Variants in GALNT9 observed in about 807,000 individuals in gnomAD.
The protein encoded by GALNT9 is GalNAc transferase 9.
GALNT9 carries 47 observed loss-of-function variants against 63.1 expected under a neutral mutation model. The ratio of observed to expected loss-of-function variants is 0.75; its 90% confidence interval spans 0.59 to 0.95. The LOEUF (loss-of-function observed/expected upper bound fraction) is 0.95, where lower values mean the gene tolerates loss of function less well. Among genes scored for constraint, GALNT9 ranks in the 40% least tolerant of loss-of-function variants. The pLI is 0.00. For synonymous variants in GALNT9, 396 were observed against 365.7 expected (o/e 1.08, Z -0.94); for missense variants, 829 against 874.8 (o/e 0.95, Z 0.66).
chr12:132,323,802 A>C (rs994559930), intron 1 of GALNT9, among the ~76,000 whole-genome samples: 3 of 152,212 alleles, frequency 2.0e-5, no homozygotes, highest in Non-Finnish European at 2.9e-5. Context: ...GGAAGCTGTG[A>C]ACCTCGGCCG....
At chr12:132,260,092 C>T (rs1879319234) in intron 4 of GALNT9, among the ~76,000 whole-genome samples, 2 of 135,918 alleles carry the variant, frequency 1.5e-5, no homozygotes, top group Admixed American at 7.4e-5. Flanking sequence ...CTCTGTGGGG[C>T]TGGCTTTGGG....
At chr12:132,258,444 A>C (rs28435716) in intron 4 of GALNT9, among the ~76,000 whole-genome samples, 14 of 152,088 alleles carry the variant, frequency 9.2e-5, no homozygotes, top group African/African-American at 2.9e-4. Context: ...CGTTGTGCAG[A>C]GTGGAACCTG....
intron 2 of GALNT9, among the ~76,000 whole-genome samples, chr12:132,269,146 G>A (rs1555240492): frequency 6.6e-6 from 1 of 152,230 alleles, no homozygotes; most frequent in Non-Finnish European, 1.5e-5. Context: ...ACAGAGGGTG[G>A]GCTGTGCAGC....
chr12:132,196,494 GACAC>G lies in GALNT9; in HGVS notation c.*609_*612del, dbSNP rs1334125232. The G allele has an allele frequency of 1.0e-6, 1 of 985,592 alleles. No individual in the cohort carries two copies. Among genetic ancestry groups the G allele is most frequent in the Non-Finnish European group, 1.2e-6 (1 of 830,028 alleles). 61.1% of individuals were successfully genotyped at this position (985,592 alleles called of 1,614,324 possible). ...CAACCCCCAGCTCGGCTCCCAGGAA[GACAC>G]ACACAGTGCTGCTGCCTAATCCTCT... On this transcript the variant is annotated 3_prime_UTR_variant, in exon 11 of 11. Transcript: ENST00000328957.
At position 132,261,091 on chromosome 12, in the gene GALNT9, GACGT is replaced by G; in HGVS notation, c.614_617del (p.Tyr205SerfsTer9). The G allele has an allele frequency of 6.4e-7, 1 of 1,551,640 alleles. No homozygotes were observed. Among genetic ancestry groups the G allele is most frequent in the Non-Finnish European group, 8.7e-7 (1 of 1,147,000 alleles). On this transcript the variant is annotated frameshift_variant, in exon 4 of 11. Transcript: ENST00000328957. LOFTEE classifies it high-confidence loss of function. ...TCACGAGGCCTGGGTACCGCTTGTTGACGTACTGGTCCAGATTGAACTTGAGTTC... is the reference window on the plus strand; with the variant it reads ...TCACGAGGCCTGGGTACCGCTTGTTGACTGGTCCAGATTGAACTTGAGTTC...
chr12:132,231,086 G>A (rs1778720243), intron 6 of GALNT9, among the ~76,000 whole-genome samples: 1 of 100,880 alleles, frequency 9.9e-6, no homozygotes, highest in Non-Finnish European at 2.0e-5. Flanking sequence ...TCGATGGGGC[G>A]ACAGAGGAGA....
chr12:132,240,867 C>A (rs1232949804), intron 6 of GALNT9: 36 of 385,612 alleles, frequency 9.3e-5, no homozygotes, highest in Admixed American at 6.6e-4. Context: ...CTTCCCAGGG[C>A]CGTCCCTATA....
intron 1 of GALNT9, among the ~76,000 whole-genome samples, chr12:132,297,523 C>A (rs1189956449): frequency 6.6e-6 from 1 of 151,978 alleles, no homozygotes; most frequent in African/African-American, 2.4e-5. Flanking sequence ...CAAGCCACTC[C>A]CACAATAACC....
chr12:132,291,250 T>A (rs1880819644), intron 1 of GALNT9, among the ~76,000 whole-genome samples: 1 of 35,766 alleles, frequency 2.8e-5, no homozygotes, highest in South Asian at 1.5e-3. Flanking sequence ...AGCGCCCACG[T>A]CCTCAGCGCC....
At chr12:132,249,847 G>A (rs1878840953) in intron 5 of GALNT9, among the ~76,000 whole-genome samples, 1 of 152,216 alleles carries the variant, frequency 6.6e-6, no homozygotes, top group Non-Finnish European at 1.5e-5. Flanking sequence ...GCGTGGGGCT[G>A]CCTGTCACCG....
At chr12:132,209,684 C>G (rs995172717) in intron 6 of GALNT9, among the ~76,000 whole-genome samples, 2 of 152,160 alleles carry the variant, frequency 1.3e-5, no homozygotes, top group African/African-American at 4.8e-5. Flanking sequence ...GACACTCCCC[C>G]CAGCACCAAG....
At position 132,252,410 on chromosome 12, in the gene GALNT9, C is replaced by T. The variant is rs1289336429; in HGVS notation, c.960-4383G>A. ...TGAGAAGGCAGAGAAGCACGTGCCACGTTTTAGAAAGAGTTTGCATCCACA... is the reference window on the plus strand; with the variant it reads ...TGAGAAGGCAGAGAAGCACGTGCCATGTTTTAGAAAGAGTTTGCATCCACA... On this transcript the variant is annotated intron_variant, in intron 5 of 10. Coordinates refer to ENST00000328957, the MANE Select transcript of GALNT9 (RefSeq NM_001122636.2). The surrounding 1 kb of genome is among the most constrained non-coding windows in gnomAD (Gnocchi z 5.2). Among the ~76,000 whole-genome samples, 1 of 152,208 alleles carries T rather than the reference C, an allele frequency of 6.6e-6. No individual in the cohort carries two copies. Among genetic ancestry groups the T allele is most frequent in the Admixed American group, 6.5e-5 (1 of 15,290 alleles).
intron 1 of GALNT9, among the ~76,000 whole-genome samples, chr12:132,301,690 G>C (rs1356756919): frequency 1.3e-5 from 2 of 152,356 alleles, no homozygotes; most frequent in East Asian, 3.9e-4. Flanking sequence ...CCACTCGCTG[G>C]CCAGAGAGGG....
intron 2 of GALNT9, among the ~76,000 whole-genome samples, chr12:132,272,266 G>A (rs933683696): frequency 6.6e-6 from 1 of 152,250 alleles, no homozygotes; most frequent in East Asian, 1.9e-4. Flanking sequence ...CCCCTCAACG[G>A]GACAGAGTGG....
rs1555238250 is a variant in GALNT9 at position 132,248,042 on chromosome 12, C to G, written c.960-15G>C. ...TGGCTGGGGTCCTGGGAGGCAGAGA[C>G]AGCGGCGTGAGGACCTCGCCATGCA... On this transcript the variant is annotated splice_polypyrimidine_tract_variant and intron_variant, in intron 5 of 10. Coordinates refer to ENST00000328957, the MANE Select transcript of GALNT9 (RefSeq NM_001122636.2). 1.9e-6 allele frequency: 3 copies of G among 1,544,636 alleles called. No individual in the cohort carries two copies.
rs369757893 is a variant in GALNT9, at chr12:132,203,589, G to A, written c.1179C>T (p.Ala393=). Residue 393 remains alanine, a synonymous_variant, in exon 7 of 11, where the codon GCC becomes GCT. Coordinates refer to ENST00000328957, the MANE Select transcript of GALNT9 (RefSeq NM_001122636.2). ...CGGCGGCGCGCAGGGCGTTGCGCTT[G>A]GCATAGTAGTCAATGTCGTTGTTGT... ...KPYNNDIDYY[A]KRNALRAAEV... is the part of the protein sequence containing the mutation. 2.5e-6 allele frequency: 4 copies of A among 1,613,808 alleles called. No individual in the cohort carries two copies. The African/African-American group carries it at 4.0e-5, about 16-fold the overall frequency.
At chr12:132,213,961 C>T (rs1027034080) in intron 6 of GALNT9, among the ~76,000 whole-genome samples, 1 of 152,204 alleles carries the variant, frequency 6.6e-6, no homozygotes, top group Non-Finnish European at 1.5e-5. Context: ...CACACCCTCC[C>T]TGCAGCATGA....
At chr12:132,326,502 C>T (rs1869041706) in intron 1 of GALNT9, among the ~76,000 whole-genome samples, 1 of 152,306 alleles carries the variant, frequency 6.6e-6, no homozygotes, top group African/African-American at 2.4e-5. Context: ...ACTGGACCAG[C>T]GGAGGCAGGG....
intron 2 of GALNT9, chr12:132,280,192 G>C (rs1330563400): frequency 1.3e-5 from 2 of 152,306 alleles, no homozygotes; most frequent in Admixed American, 6.5e-5. Context: ...CCTTTCAGTT[G>C]CCTGAGTCAA....
Sources: allele counts gnomAD v4.1 joint callset (sites outside exome capture counted in the v4.1 genomes callset), GRCh38; gene constraint gnomAD v4.1.1; non-coding constraint Gnocchi (gnomAD v3.1); transcripts MANE v1.5; gene names NCBI Gene and HGNC (gene_info 2026-07-23, HGNC 2026-07-21).